PI4KA: variants seen among roughly 807,000 people sequenced by gnomAD.
PI4KA encodes the protein PI4-kinase alpha.
Under a neutral mutation model 271.4 loss-of-function variants are expected in PI4KA, and 122 were observed. That is an observed-to-expected ratio of 0.45 (90% CI 0.39 to 0.52). The LOEUF is 0.52. Among genes scored for constraint, PI4KA ranks in the 20% least tolerant of loss-of-function variants. The probability of loss-of-function intolerance (pLI) is 0.00; values close to 1 mark genes in which losing one functional copy is unlikely to be tolerated. For missense variants in PI4KA, 1,969 were observed against 2,769.1 expected (o/e 0.71, Z 6.48); for synonymous variants, 1,041 against 1,078.8 (o/e 0.96, Z 0.69).
At chr22:20,825,069 CAAAA>C (rs362248) in intron 3 of PI4KA, among the ~76,000 whole-genome samples, 3 of 76,908 alleles carry the variant, frequency 3.9e-5, no homozygotes, top group African/African-American at 1.7e-4. Flanking sequence ...GACGCCATCT[CAAAA>C]AAAAAAAAAA....
intron 17 of PI4KA, among the ~76,000 whole-genome samples, chr22:20,797,792 A>AT (rs1432030307): frequency 8.5e-6 from 1 of 117,268 alleles, no homozygotes; most frequent in East Asian, 2.7e-4. Flanking sequence ...CATGGAGAGA[A>AT]TCCAGAGGAA....
At position 20,824,415 on chromosome 22, in the gene PI4KA, C is replaced by T. The variant is rs1050350692; in HGVS notation, c.368-1G>A. On this transcript the variant is annotated splice_acceptor_variant, in intron 3 of 54. Transcript: ENST00000255882. LOFTEE classifies it high-confidence loss of function. The stretch of plus-strand genomic sequence containing the variant: ...AAGCTCTCTGCAACCGGGAGGGCAC[C>T]TGGAAGATGTAAAAACATAAATCAG... 1.2e-6 allele frequency: 2 copies of T among 1,609,358 alleles called. No homozygotes were observed. The highest frequency in any genetic ancestry group is 1.7e-6 in the Non-Finnish European group (2 of 1,176,898).
chr22:20,720,019 C>A, intron 43 of PI4KA, among the ~76,000 whole-genome samples: 1 of 106,824 alleles, frequency 9.4e-6, no homozygotes, highest in Admixed American at 1.3e-4. Flanking sequence ...AATCAAGACT[C>A]TGTCTCAAAA....
chr22:20,847,056 G>A (rs897006175), intron 1 of PI4KA, among the ~76,000 whole-genome samples: 1 of 151,416 alleles, frequency 6.6e-6, no homozygotes, highest in Non-Finnish European at 1.5e-5. Context: ...GCTGAGGCAG[G>A]AGAATCACTT....
chr22:20,712,391 T>C (rs1925407051), intron 50 of PI4KA, 95 bp downstream of exon 50: 4 of 1,563,042 alleles, frequency 2.6e-6, no homozygotes, highest in Non-Finnish European at 3.5e-6. Flanking sequence ...AAAGGATGAC[T>C]GAGGAGAGCA....
At chr22:20,840,476 T>C (rs1368150904) in intron 1 of PI4KA, among the ~76,000 whole-genome samples, 1 of 152,064 alleles carries the variant, frequency 6.6e-6, no homozygotes, top group African/African-American at 2.4e-5. Context: ...TCTAGAAGAA[T>C]CCCTCTGGCT....
At chr22:20,781,932 C>T (rs983979566) in intron 19 of PI4KA, among the ~76,000 whole-genome samples, 4 of 152,114 alleles carry the variant, frequency 2.6e-5, no homozygotes, top group Admixed American at 1.3e-4. Flanking sequence ...GAACCATAAG[C>T]GATGGCAATG....
intron 1 of PI4KA, among the ~76,000 whole-genome samples, chr22:20,855,911 C>A (rs1438005309): frequency 3.3e-5 from 5 of 152,224 alleles, no homozygotes; most frequent in African/African-American, 1.2e-4. Flanking sequence ...CAGATGCCAG[C>A]CAAAGGCCAA....
At chr22:20,855,649 T>C (rs1363332810) in intron 1 of PI4KA, among the ~76,000 whole-genome samples, 1 of 152,188 alleles carries the variant, frequency 6.6e-6, no homozygotes. Flanking sequence ...TGTGAGGATA[T>C]ACATCAAGCT....
rs141800572 is a variant in PI4KA at position 20,847,467 on chromosome 22, G to A, written c.157-8736C>T. The stretch of plus-strand genomic sequence containing the variant: ...AGGCTGGGTGCAGTGGCTCACGCCT[G>A]TAATCTCAACACTTTGGGAGGCTGA... On this transcript the variant is annotated intron_variant, in intron 1 of 54. Transcript: ENST00000255882. Among the ~76,000 whole-genome samples the A allele has an allele frequency of 5.1e-4, 78 of 152,038 alleles. No homozygotes were observed. In the East Asian group the frequency reaches 8.5e-3, roughly 17 times the overall value.
At chr22:20,847,541 A>G (rs1308381705) in intron 1 of PI4KA, among the ~76,000 whole-genome samples, 4 of 152,250 alleles carry the variant, frequency 2.6e-5, no homozygotes, top group Middle Eastern at 3.4e-3. Context: ...CCTGGGGTAC[A>G]TGGTGAAACC....
In PI4KA at chr22:20,858,659, C is replaced by T. The variant is rs1055010771; in HGVS notation, c.67G>A (p.Gly23Ser). The T allele has an allele frequency of 2.0e-6, 3 of 1,480,124 alleles. No homozygotes were observed. The highest frequency in any genetic ancestry group is 2.7e-6 in the Non-Finnish European group (3 of 1,121,960). 91.7% of individuals were successfully genotyped at this position (1,480,124 alleles called of 1,614,324 possible). ...TAGAAGCCCCGCGAGGCGCTGGAGC[C>T]GGAGCCGGAGCAGCCGCCGCCGCCT... ...GGGGGGCSGS[G>S]SSASRGFYFN... Residue 23 changes from glycine to serine, a missense_variant, in exon 1 of 55, where the codon GGC becomes AGC. Gly to Ser is a moderately conservative substitution (Grantham distance 56, BLOSUM62 0). Transcript: ENST00000255882.
rs202040695 is a variant in PI4KA at position 20,819,781 on chromosome 22, G to A, written c.649C>T (p.Leu217Phe). 2.3e-5 allele frequency: 37 copies of A among 1,614,060 alleles called. No individual in the cohort carries two copies. Among genetic ancestry groups the A allele is most frequent in the Non-Finnish European group, 3.0e-5 (35 of 1,180,010 alleles). Residue 217 changes from leucine (L) to phenylalanine (F), a missense_variant, in exon 6 of 55, where the codon CTC (leucine) becomes TTC (phenylalanine). This residue lies in a region of PI4KA where 540 missense variants were observed against 555.5 expected (regional missense o/e 0.97). Coordinates refer to ENST00000255882, the MANE Select transcript of PI4KA (RefSeq NM_058004.4). ...KLFPKIPPHS[L>F]RVLEELEGVR... ...CCTTCAAGCTCTTCCAGGACACGGA[G>A]GGAATGAGGAGGGATTTTGGGAAAG...
intron 19 of PI4KA, among the ~76,000 whole-genome samples, chr22:20,768,172 G>A (rs1267228827): frequency 1.3e-5 from 2 of 152,046 alleles, no homozygotes; most frequent in Admixed American, 6.6e-5. Context: ...CCCAGATGGG[G>A]TGGTGGCCAA....
chr22:20,773,698 A>G (rs897939882), intron 19 of PI4KA, among the ~76,000 whole-genome samples: 8 of 152,220 alleles, frequency 5.3e-5, no homozygotes, highest in Admixed American at 4.6e-4. Context: ...AGCCAGCCAC[A>G]TCAGTCCTGG....
At chr22:20,836,134 CT>C (rs1924841347) in intron 2 of PI4KA, among the ~76,000 whole-genome samples, 1 of 152,194 alleles carries the variant, frequency 6.6e-6, no homozygotes, top group Admixed American at 6.5e-5. Context: ...CCACCTGGCT[CT>C]TTTTCAGGAC....
chr22:20,718,642 C>T (rs1285444539), intron 44 of PI4KA, 51 bp downstream of exon 44: 2 of 1,601,172 alleles, frequency 1.2e-6, no homozygotes, highest in South Asian at 2.2e-5. Context: ...TGTTAAGCTG[C>T]AGGGACTGGA....
At chr22:20,744,784 G>A in intron 29 of PI4KA, 64 bp from the exon 30 acceptor site, 1 of 1,353,848 alleles carries the variant, frequency 7.4e-7, no homozygotes, top group Non-Finnish European at 1.1e-6. Context: ...GTTTACCATG[G>A]CTAAGCCTAA....
In PI4KA at chr22:20,730,013, T is replaced by G. The variant is rs1300660497; in HGVS notation, c.4289-2A>C. On this transcript the variant is annotated splice_acceptor_variant, in intron 36 of 54. Transcript: ENST00000255882. LOFTEE classifies it high-confidence loss of function. ...GGTTGCTCCGGGTGTCCTGATTATC[T>G]GAGGGCAAACACATTGTTGATTCTA... The G allele has an allele frequency of 6.2e-7, 1 of 1,614,080 alleles. No individual in the cohort carries two copies. Among genetic ancestry groups the G allele is most frequent in the Non-Finnish European group, 8.5e-7 (1 of 1,180,002 alleles).
Sources: gnomAD v4.1 joint callset for allele counts (sites outside exome capture counted in the v4.1 genomes callset) on GRCh38, gnomAD v4.1.1 for gene constraint, gnomAD v4.1.1 regional missense constraint, MANE v1.5 for transcripts, NCBI Gene and HGNC (gene_info 2026-07-23, HGNC 2026-07-21) for gene names.